Variants in TSHZ2 observed in about 807,000 individuals in gnomAD.
TSHZ2 encodes the protein teashirt zinc finger homeobox 2, also known as teashirt homolog 2.
TSHZ2 carries 21 observed loss-of-function variants against 74.4 expected under a neutral mutation model. The observed-to-expected ratio is 0.28, with a 90% CI of 0.20 to 0.41. TSHZ2 has a LOEUF of 0.41. Ranked by LOEUF, TSHZ2 falls within the 10% of genes least tolerant of loss-of-function variation. TSHZ2 has a pLI of 1.00. For synonymous variants in TSHZ2, 540 were observed against 515.3 expected (o/e 1.05, Z -0.65); for missense variants, 1,244 against 1,293.5 (o/e 0.96, Z 0.59).
At chr20:53,333,647 G>A (rs556897310) in intron 2 of TSHZ2, among the ~76,000 whole-genome samples, 18 of 152,128 alleles carry the variant, frequency 1.2e-4, no homozygotes, top group East Asian at 1.9e-4. Context: ...TAGTAGAGAC[G>A]GGGTTTCACC....
chr20:53,436,704 T>G (rs1183326779), intron 2 of TSHZ2, among the ~76,000 whole-genome samples: 4 of 151,432 alleles, frequency 2.6e-5, no homozygotes, highest in Non-Finnish European at 5.9e-5. Context: ...TTCCACCACG[T>G]CCGGCTAATT....
At chr20:53,196,326 G>A (rs1025754079) in intron 1 of TSHZ2, 1 of 140,572 alleles carries the variant, frequency 7.1e-6, no homozygotes, top group African/African-American at 2.7e-5. Flanking sequence ...TCTTGTTCAG[G>A]CCAAGAGACA....
At chr20:52,995,069 C>A (rs554157270) in intron 1 of TSHZ2, among the ~76,000 whole-genome samples, 5 of 152,324 alleles carry the variant, frequency 3.3e-5, no homozygotes, top group Non-Finnish European at 7.3e-5. Context: ...AAAGCCACAA[C>A]AAGTACCTAA....
chr20:53,025,098 A>T (rs977071308), intron 1 of TSHZ2, among the ~76,000 whole-genome samples: 6 of 151,970 alleles, frequency 3.9e-5, no homozygotes, highest in Non-Finnish European at 8.8e-5. Context: ...TGGAAATTTG[A>T]AAAGAATTAG....
chr20:53,081,690 C>T (rs949219388), intron 1 of TSHZ2, among the ~76,000 whole-genome samples: 8 of 152,128 alleles, frequency 5.3e-5, no homozygotes, highest in Non-Finnish European at 2.9e-5. Flanking sequence ...CACCATTTAA[C>T]CTGCATAAAA....
chr20:53,096,693 G>A (rs1433198905), intron 1 of TSHZ2, among the ~76,000 whole-genome samples: 1 of 151,834 alleles, frequency 6.6e-6, no homozygotes, highest in East Asian at 2.0e-4. Context: ...CACTAGCCTG[G>A]CCAACATGGT....
At chr20:53,153,163 A>G (rs374775904) in intron 1 of TSHZ2, among the ~76,000 whole-genome samples, 81 of 152,338 alleles carry the variant, frequency 5.3e-4, no homozygotes, top group South Asian at 3.7e-3. Context: ...TAGGAAGTTG[A>G]TAAGAGAGAA....
At chr20:53,062,073 GT>G (rs1984839780) in intron 1 of TSHZ2, among the ~76,000 whole-genome samples, 2 of 152,284 alleles carry the variant, frequency 1.3e-5, no homozygotes, top group South Asian at 4.1e-4. Context: ...GAAGAGATGT[GT>G]TTTTATACCT....
At chr20:53,117,443 C>CCAAAA (rs1986700460) in intron 1 of TSHZ2, among the ~76,000 whole-genome samples, 1 of 152,170 alleles carries the variant, frequency 6.6e-6, no homozygotes, top group Non-Finnish European at 1.5e-5. Flanking sequence ...ACAAAAGTAC[C>CCAAAA]TGCCCTTCAG....
chr20:53,003,681 G>T (rs143125643), intron 1 of TSHZ2, among the ~76,000 whole-genome samples: 1 of 152,180 alleles, frequency 6.6e-6, no homozygotes, highest in African/African-American at 2.4e-5. Flanking sequence ...ATGTCTCCGG[G>T]TAATGGCTGT....
At chr20:53,430,651 G>A (rs569686575) in intron 2 of TSHZ2, among the ~76,000 whole-genome samples, 2 of 152,096 alleles carry the variant, frequency 1.3e-5, no homozygotes, top group East Asian at 1.9e-4. Flanking sequence ...GCAACATAGT[G>A]AGACCCCATC....
chr20:53,036,508 CAT>C (rs1328428491), intron 1 of TSHZ2, among the ~76,000 whole-genome samples: 11 of 150,512 alleles, frequency 7.3e-5, no homozygotes, highest in Admixed American at 2.0e-4. Flanking sequence ...TATATAAACA[CAT>C]ATATTAGAAA....
intron 1 of TSHZ2, among the ~76,000 whole-genome samples, chr20:53,251,895 T>C (rs1340214382): frequency 1.3e-5 from 2 of 152,196 alleles, no homozygotes; most frequent in Non-Finnish European, 2.9e-5. Context: ...AATACAAAGA[T>C]AGCAGCATCT....
At chr20:53,102,950 A>G (rs1480121270) in intron 1 of TSHZ2, among the ~76,000 whole-genome samples, 1 of 152,054 alleles carries the variant, frequency 6.6e-6, no homozygotes, top group East Asian at 1.9e-4. Context: ...TACATGTGCC[A>G]TGCTGGTGCG....
At chr20:53,014,409 A>T (rs1257155343) in intron 1 of TSHZ2, among the ~76,000 whole-genome samples, 1 of 152,130 alleles carries the variant, frequency 6.6e-6, no homozygotes, top group African/African-American at 2.4e-5. Flanking sequence ...TGTTGAAGTG[A>T]TTAGAAAAAT....
chr20:53,237,512 T>A (rs1989968087), intron 1 of TSHZ2, among the ~76,000 whole-genome samples: 2 of 151,904 alleles, frequency 1.3e-5, no homozygotes, highest in Non-Finnish European at 2.9e-5. Context: ...TGAGTGTGTG[T>A]GTGTGTGTGT....
chr20:53,316,460 G>A (rs966712322), intron 2 of TSHZ2, among the ~76,000 whole-genome samples: 3 of 152,138 alleles, frequency 2.0e-5, no homozygotes, highest in African/African-American at 7.2e-5. Flanking sequence ...GCAGAGAAAT[G>A]ATGAAACAAT....
chr20:53,281,146 G>A (rs949269931), intron 2 of TSHZ2, among the ~76,000 whole-genome samples: 12 of 152,196 alleles, frequency 7.9e-5, no homozygotes, highest in African/African-American at 2.7e-4. Context: ...TAATTTCAGT[G>A]CTGTTAGTTG....
intron 1 of TSHZ2, among the ~76,000 whole-genome samples, chr20:53,085,728 C>T (rs1010874302): frequency 6.6e-6 from 1 of 152,198 alleles, no homozygotes; most frequent in African/African-American, 2.4e-5. Flanking sequence ...CCCAGGTGGT[C>T]TAGACCTCAT....
Sources: gnomAD v4.1 joint callset for allele counts (sites outside exome capture counted in the v4.1 genomes callset) on GRCh38, gnomAD v4.1.1 for gene constraint, MANE v1.5 for transcripts, NCBI Gene and HGNC (gene_info 2026-07-23, HGNC 2026-07-21) for gene names.